The following GBE1 variants were observed in gnomAD, a reference collection of about 807,000 sequenced individuals.
The protein encoded by GBE1 is 1,4-alpha-glucan branching enzyme 1, also known as 1,4-alpha-glucan-branching enzyme.
In GBE1, 70 loss-of-function variants were observed where a neutral mutation model predicts 88.8. The ratio of observed to expected loss-of-function variants is 0.79; its 90% CI spans 0.65 to 0.96. The LOEUF is 0.96. Ranked by LOEUF, GBE1 falls within the 40% of genes least tolerant of loss-of-function variation. The pLI is 0.00. For synonymous variants in GBE1, 284 were observed against 300.1 expected (o/e 0.95, Z 0.56); for missense variants, 872 against 871.0 (o/e 1.00, Z -0.01).
intron 1 of GBE1, among the ~76,000 whole-genome samples, chr3:81,714,463 C>T (rs952997399): frequency 5.9e-5 from 9 of 152,164 alleles, no homozygotes; most frequent in African/African-American, 9.6e-5. Flanking sequence ...ATAATGAATA[C>T]ACTATTAATT....
chr3:81,602,927 T>TCTCATCTTTTCTTGGCTGAGTCATGCC (rs1704052536), intron 7 of GBE1, among the ~76,000 whole-genome samples: 2 of 152,130 alleles, frequency 1.3e-5, no homozygotes, highest in Non-Finnish European at 2.9e-5. Flanking sequence ...CTGCACCAAA[T>TCTCATCTTTTCTTGGCTGAGTCATGCC]CTCATCTTTT....
chr3:81,617,946 G>GT (rs1009670576), intron 7 of GBE1, among the ~76,000 whole-genome samples: 11 of 151,834 alleles, frequency 7.2e-5, no homozygotes, highest in Non-Finnish European at 1.3e-4. Flanking sequence ...TTGTGGTAGC[G>GT]TTTTTTTAGA....
At chr3:81,558,175 T>C (rs1317452942) in intron 12 of GBE1, among the ~76,000 whole-genome samples, 1 of 152,072 alleles carries the variant, frequency 6.6e-6, no homozygotes, top group Admixed American at 6.6e-5. Flanking sequence ...AGTCAATGTG[T>C]GTGTGTGTGT....
intron 7 of GBE1, among the ~76,000 whole-genome samples, chr3:81,619,154 A>G (rs1244240035): frequency 7.0e-6 from 1 of 143,180 alleles, no homozygotes; most frequent in African/African-American, 2.7e-5. Context: ...CTGCCCTATA[A>G]AAAGAAGAAT....
At chr3:81,538,093 A>G (rs756320353) in intron 12 of GBE1, among the ~76,000 whole-genome samples, 10 of 151,938 alleles carry the variant, frequency 6.6e-5, no homozygotes, top group Non-Finnish European at 1.0e-4. Flanking sequence ...ACAATTAATT[A>G]TTGCTGTGAT....
At chr3:81,754,225 C>A (rs1287239841) in intron 1 of GBE1, among the ~76,000 whole-genome samples, 1 of 151,724 alleles carries the variant, frequency 6.6e-6, no homozygotes, top group Non-Finnish European at 1.5e-5. Context: ...ACAACGAATA[C>A]AAAATACCTA....
intron 10 of GBE1, among the ~76,000 whole-genome samples, chr3:81,582,760 G>A (rs1294700029): frequency 6.6e-6 from 1 of 151,940 alleles, no homozygotes; most frequent in Admixed American, 6.6e-5. Context: ...AATGGATCAT[G>A]GGCTTAAATA....
intron 2 of GBE1, among the ~76,000 whole-genome samples, chr3:81,674,265 ACC>A (rs1445512099): frequency 2.0e-5 from 3 of 151,906 alleles, no homozygotes; most frequent in Non-Finnish European, 2.9e-5. Context: ...TTCCAATAAA[ACC>A]AGTTCCTGCC....
chr3:81,678,835 T>C (rs1476962486), intron 2 of GBE1, among the ~76,000 whole-genome samples: 2 of 152,104 alleles, frequency 1.3e-5, no homozygotes, highest in African/African-American at 2.4e-5. Context: ...ATGAATGTAA[T>C]TGCATATCAA....
chr3:81,554,798 C>T (rs900488444), intron 12 of GBE1, among the ~76,000 whole-genome samples: 1 of 152,120 alleles, frequency 6.6e-6, no homozygotes, highest in African/African-American at 2.4e-5. Flanking sequence ...AAGGCACAGC[C>T]GGCTGCTACT....
chr3:81,673,840 A>C (rs1705220762), intron 2 of GBE1, among the ~76,000 whole-genome samples: 2 of 151,764 alleles, frequency 1.3e-5, no homozygotes. Flanking sequence ...CCTCATGGGA[A>C]CTCAGGTGTT....
chr3:81,750,743 C>T (rs1486574933), intron 1 of GBE1, among the ~76,000 whole-genome samples: 2 of 139,616 alleles, frequency 1.4e-5, no homozygotes, highest in African/African-American at 2.7e-5. Context: ...TACAGTGGCG[C>T]GATCTTGGCT....
intron 3 of GBE1, among the ~76,000 whole-genome samples, chr3:81,656,340 G>A (rs986595821): frequency 2.0e-5 from 3 of 152,176 alleles, no homozygotes; most frequent in African/African-American, 7.2e-5. Flanking sequence ...AGGAGGGAGA[G>A]AGTGGAGTGA....
intron 12 of GBE1, among the ~76,000 whole-genome samples, chr3:81,545,689 C>A (rs569040323): frequency 1.3e-5 from 2 of 152,136 alleles, no homozygotes; most frequent in East Asian, 3.9e-4. Context: ...TCCATGGTTT[C>A]ACTTTCCATG....
chr3:81,495,297 G>C (rs1702486743), intron 15 of GBE1, among the ~76,000 whole-genome samples: 3 of 152,138 alleles, frequency 2.0e-5, no homozygotes, highest in African/African-American at 7.2e-5. Context: ...GCTGAGGCAG[G>C]AAAACTGCTT....
intron 7 of GBE1, among the ~76,000 whole-genome samples, chr3:81,620,569 G>T (rs1418798220): frequency 6.6e-6 from 1 of 151,946 alleles, no homozygotes; most frequent in Non-Finnish European, 1.5e-5. Flanking sequence ...AATAGTTAAC[G>T]AGCATTTATT....
At chr3:81,571,106 T>C (rs998644173) in intron 12 of GBE1, among the ~76,000 whole-genome samples, 2 of 152,056 alleles carry the variant, frequency 1.3e-5, no homozygotes, top group African/African-American at 2.4e-5. Flanking sequence ...AAATTCAAGG[T>C]GGAAGGATAG....
chr3:81,636,839 T>G (rs1265134278), intron 7 of GBE1, among the ~76,000 whole-genome samples: 1 of 152,272 alleles, frequency 6.6e-6, no homozygotes, highest in Non-Finnish European at 1.5e-5. Flanking sequence ...CATCATTTGT[T>G]TTTGTAAAGC....
chr3:81,634,973 G>A (rs1319312415), intron 7 of GBE1, among the ~76,000 whole-genome samples: 1 of 152,046 alleles, frequency 6.6e-6, no homozygotes, highest in Non-Finnish European at 1.5e-5. Context: ...ACAAAGGCAA[G>A]GGGAACCCAC....
Sources: gnomAD v4.1 joint callset for allele counts (sites outside exome capture counted in the v4.1 genomes callset) on GRCh38, gnomAD v4.1.1 for gene constraint, MANE v1.5 for transcripts, NCBI Gene and HGNC (gene_info 2026-07-23, HGNC 2026-07-21) for gene names.